The following CHST8 variants were observed in gnomAD, a reference collection of about 807,000 sequenced individuals.
The protein encoded by CHST8 is carbohydrate sulfotransferase 8.
CHST8 carries 10 observed loss-of-function variants against 15.0 expected under a neutral mutation model. That is an observed-to-expected ratio of 0.67 (90% CI 0.41 to 1.13). The LOEUF (loss-of-function observed/expected upper bound fraction) is 1.13, where lower values mean the gene tolerates loss of function less well. Ranked by LOEUF, CHST8 falls within the 50% of genes most tolerant of loss-of-function variation. The probability of loss-of-function intolerance (pLI) is 0.00; values close to 1 mark genes in which losing one functional copy is unlikely to be tolerated. For synonymous variants in CHST8, 259 were observed against 256.6 expected, an observed-to-expected ratio of 1.01 and a Z score of -0.09; for missense variants, 634 against 608.2, an observed-to-expected ratio of 1.04 and a Z score of -0.45.
intron 1 of CHST8, among the ~76,000 whole-genome samples, chr19:33,653,596 G>A (rs1053007182): frequency 6.6e-6 from 1 of 152,164 alleles, no homozygotes; most frequent in African/African-American, 2.4e-5. Context: ...CAAGTCACAT[G>A]TATGAAGGAC....
chr19:33,666,302 T>A (rs895567463), intron 1 of CHST8, among the ~76,000 whole-genome samples: 1 of 152,180 alleles, frequency 6.6e-6, no homozygotes, highest in Non-Finnish European at 1.5e-5. Context: ...TGTGTGTGTG[T>A]GTGGACCCTG....
At chr19:33,744,101 CTT>C (rs1002894085) in intron 3 of CHST8, among the ~76,000 whole-genome samples, 14 of 152,308 alleles carry the variant, frequency 9.2e-5, no homozygotes, top group African/African-American at 3.1e-4. Context: ...TCTCTGATCT[CTT>C]GTCTACCCCG....
intron 3 of CHST8, among the ~76,000 whole-genome samples, chr19:33,715,449 G>A (rs973461019): frequency 1.3e-5 from 2 of 152,232 alleles, no homozygotes; most frequent in Admixed American, 1.3e-4. Flanking sequence ...ATCAGACCTT[G>A]AGAGACAACT....
chr19:33,744,129 C>T (rs990354074), intron 3 of CHST8, among the ~76,000 whole-genome samples: 2 of 152,340 alleles, frequency 1.3e-5, no homozygotes, highest in East Asian at 1.9e-4. Flanking sequence ...CCTGCCCCAG[C>T]GTCAAGGTCT....
intron 1 of CHST8, among the ~76,000 whole-genome samples, chr19:33,640,468 G>A (rs548842480): frequency 3.9e-5 from 6 of 152,194 alleles, no homozygotes; most frequent in East Asian, 3.9e-4. Flanking sequence ...TGGTCTCCCC[G>A]ACCTCTCACT....
Position 33,666,848 on chromosome 19 carries a change from G to A in CHST8, c.-163-919G>A, listed in dbSNP as rs112843402. Among the ~76,000 whole-genome samples, 11 of 152,270 alleles carry A rather than the reference G, an allele frequency of 7.2e-5. 1 individual carries two copies. The highest frequency in any genetic ancestry group is 2.6e-4 in the African/African-American group (11 of 41,554). On this transcript the variant is annotated intron_variant, in intron 1 of 4. Transcript: ENST00000650847. ...CTCCCGCGTAGCTGGGACTACAGGT[G>A]CACATCACCATGCCTGGCTAATTTT...
intron 2 of CHST8, among the ~76,000 whole-genome samples, chr19:33,681,710 A>C (rs902331381): frequency 1.3e-4 from 20 of 152,140 alleles, no homozygotes; most frequent in African/African-American, 4.6e-4. Flanking sequence ...TTGGATGAGG[A>C]CTGATTCTGA....
intron 1 of CHST8, among the ~76,000 whole-genome samples, chr19:33,644,845 G>A (rs1348929927): frequency 1.3e-5 from 2 of 152,230 alleles, no homozygotes; most frequent in Admixed American, 1.3e-4. Flanking sequence ...TAGGGAGGAA[G>A]GGAAGGGTCA....
chr19:33,746,615 G>C (rs1261920606), intron 3 of CHST8, among the ~76,000 whole-genome samples: 1 of 152,226 alleles, frequency 6.6e-6, no homozygotes, highest in African/African-American at 2.4e-5. Flanking sequence ...CATGTTCTTT[G>C]AGTTTCCTGA....
rs1242456144 is a variant in CHST8, at chr19:33,689,297, C to T, written c.36C>T (p.Cys12=). The change falls in exon 3 of 5, where the codon TGC becomes TGT. Residue 12 remains cysteine, a synonymous_variant. Transcript: ENST00000650847. ...GACCTGGAACAATGCGGCTGGCCTG[C>T]ATGTTCTCTTCCATCCTGCTGTTCG... The part of the protein sequence containing the change: ...TLRPGTMRLA[C]MFSSILLFGA... 1.9e-6 allele frequency: 3 copies of T among 1,608,718 alleles called. No individual in the cohort carries two copies. The highest frequency in any genetic ancestry group is 2.5e-6 in the Non-Finnish European group (3 of 1,178,044).
chr19:33,715,128 T>G (rs1973642944), intron 3 of CHST8, among the ~76,000 whole-genome samples: 1 of 152,208 alleles, frequency 6.6e-6, no homozygotes, highest in African/African-American at 2.4e-5. Context: ...AAGAAAGAAC[T>G]TTGGTCCTGC....
chr19:33,723,555 G>T (rs943250107), intron 3 of CHST8, among the ~76,000 whole-genome samples: 3 of 152,200 alleles, frequency 2.0e-5, no homozygotes, highest in African/African-American at 4.8e-5. Flanking sequence ...GAAGAGAGGA[G>T]TGGTGGCTGG....
At chr19:33,654,210 T>C (rs1972482118) in intron 1 of CHST8, among the ~76,000 whole-genome samples, 1 of 152,234 alleles carries the variant, frequency 6.6e-6, no homozygotes, top group African/African-American at 2.4e-5. Context: ...TACATGCTTG[T>C]TTCCTGTAGT....
intron 3 of CHST8, among the ~76,000 whole-genome samples, chr19:33,771,134 T>A (rs1251051488): frequency 6.6e-6 from 1 of 152,114 alleles, no homozygotes; most frequent in Non-Finnish European, 1.5e-5. Flanking sequence ...CAGGGTGCCT[T>A]TCCAGACCTT....
chr19:33,673,464 A>G (rs1275307796), intron 2 of CHST8, among the ~76,000 whole-genome samples: 1 of 152,144 alleles, frequency 6.6e-6, no homozygotes. Context: ...GAGAATGTGT[A>G]GGACAGTGAG....
intron 1 of CHST8, among the ~76,000 whole-genome samples, chr19:33,653,135 T>C (rs2377081): frequency 0.32 from 48,096 of 152,140 alleles, 10,336 homozygotes; most frequent in African/African-American, 0.6. Flanking sequence ...GTGAGAGTTC[T>C]GTTTTCAACT....
intron 1 of CHST8, among the ~76,000 whole-genome samples, chr19:33,654,421 T>C (rs905011846): frequency 1.3e-5 from 2 of 152,108 alleles, no homozygotes; most frequent in Admixed American, 1.3e-4. Flanking sequence ...TGCAATATTC[T>C]AGGGAAGCAA....
At chr19:33,731,117 C>T (rs1197099416) in intron 3 of CHST8, among the ~76,000 whole-genome samples, 1 of 152,172 alleles carries the variant, frequency 6.6e-6, no homozygotes, top group Non-Finnish European at 1.5e-5. Flanking sequence ...CAGACACACC[C>T]AGGAACAATG....
At chr19:33,712,042 C>G (rs1283351858) in intron 3 of CHST8, among the ~76,000 whole-genome samples, 1 of 152,222 alleles carries the variant, frequency 6.6e-6, no homozygotes, top group Non-Finnish European at 1.5e-5. Context: ...TCTATAAGAT[C>G]TTTATGTTGT....
Sources: allele counts gnomAD v4.1 joint callset (sites outside exome capture counted in the v4.1 genomes callset), GRCh38; gene constraint gnomAD v4.1.1; transcripts MANE v1.5; gene names NCBI Gene and HGNC (gene_info 2026-07-23, HGNC 2026-07-21).